SH3BGRL2: variants seen among roughly 807,000 people sequenced by gnomAD.
SH3BGRL2 encodes the protein SH3 domain binding glutamate rich protein like 2.
A neutral mutation model predicts 14.8 loss-of-function variants in SH3BGRL2; 21 were observed. The observed-to-expected ratio is 1.42, with a 90% CI of 1.01 to 2.05. The LOEUF is 2.05. SH3BGRL2 is among the 30% of genes most tolerant of loss of function. SH3BGRL2 has a pLI of 0.00. For missense variants in SH3BGRL2, 147 were observed against 130.8 expected (o/e 1.12, Z -0.61); for synonymous variants, 50 against 47.8 (o/e 1.05, Z -0.19).
At chr6:79,562,229 C>G in the SH3BGRL2 span, among the ~76,000 whole-genome samples, 1 of 152,170 alleles carries the variant, frequency 6.6e-6, no homozygotes, top group East Asian at 1.9e-4. Context: ...ACCACACATA[C>G]ACACATATGT....
intron 2 of SH3BGRL2, among the ~76,000 whole-genome samples, chr6:79,686,138 T>G (rs1313326868): frequency 6.6e-6 from 1 of 152,220 alleles, no homozygotes; most frequent in Non-Finnish European, 1.5e-5. Flanking sequence ...GATTAGATTC[T>G]TAAAGGTAGG....
the SH3BGRL2 span, among the ~76,000 whole-genome samples, chr6:79,608,953 G>A: frequency 6.6e-6 from 1 of 152,176 alleles, no homozygotes; most frequent in Non-Finnish European, 1.5e-5. Flanking sequence ...CTAACAATGT[G>A]GCAAAACTAA....
At chr6:79,589,553 A>G in the SH3BGRL2 span, among the ~76,000 whole-genome samples, 3 of 152,132 alleles carry the variant, frequency 2.0e-5, no homozygotes, top group African/African-American at 2.4e-5. Flanking sequence ...CTTGTTTATT[A>G]TGGTTTATGG....
Position 79,696,418 on chromosome 6 carries a change from A to G in SH3BGRL2, c.232-67A>G, listed in dbSNP as rs927489127. ...TTTTACTTCCATAAAGAATTTGTTC[A>G]AAGTACCAAATATAAAGATAATTGT... On this transcript the variant is annotated intron_variant, in intron 2 of 3. Transcript: ENST00000369838. The G allele has an allele frequency of 7.5e-6, 9 of 1,204,922 alleles. No homozygotes were observed. In the African/African-American group the frequency reaches 1.1e-4, roughly 15 times the overall value. The allele number at this position is 1,204,922 out of a possible 1,614,324, so 74.6% of individuals were successfully genotyped here.
intron 1 of SH3BGRL2, among the ~76,000 whole-genome samples, chr6:79,665,207 A>G (rs1333842546): frequency 6.6e-6 from 1 of 152,214 alleles, no homozygotes; most frequent in Non-Finnish European, 1.5e-5. Context: ...CTCTAAATAA[A>G]TAAAAAAATA....
the SH3BGRL2 span, among the ~76,000 whole-genome samples, chr6:79,588,876 A>G: frequency 1.3e-5 from 2 of 152,262 alleles, no homozygotes; most frequent in Admixed American, 6.5e-5. Flanking sequence ...TCATATAGCC[A>G]TTGTGCCCAG....
chr6:79,680,050 T>C (rs1266087832), intron 2 of SH3BGRL2, among the ~76,000 whole-genome samples: 1 of 152,202 alleles, frequency 6.6e-6, no homozygotes, highest in East Asian at 1.9e-4. Context: ...ACTCTGTTGA[T>C]TGTGTCCTTT....
chr6:79,665,823 T>A (rs1042502072), intron 1 of SH3BGRL2, among the ~76,000 whole-genome samples: 1 of 152,248 alleles, frequency 6.6e-6, no homozygotes, highest in African/African-American at 2.4e-5. Context: ...AATCTGTCTT[T>A]CTGACAGGGA....
At chr6:79,616,126 C>T in the SH3BGRL2 span, among the ~76,000 whole-genome samples, 3 of 152,052 alleles carry the variant, frequency 2.0e-5, no homozygotes, top group African/African-American at 7.2e-5. Context: ...TAAACCACTC[C>T]TGCTTTCTTA....
the SH3BGRL2 span, among the ~76,000 whole-genome samples, chr6:79,593,860 T>G: frequency 3.3e-5 from 5 of 152,122 alleles, no homozygotes; most frequent in Admixed American, 6.6e-5. Flanking sequence ...CAAATGAAAT[T>G]AAGACATGAC....
the SH3BGRL2 span, among the ~76,000 whole-genome samples, chr6:79,605,149 C>A: frequency 1.3e-5 from 2 of 152,190 alleles, no homozygotes; most frequent in African/African-American, 4.8e-5. Context: ...TCTTGAAATG[C>A]TCCCTCTAAG....
At chr6:79,654,116 T>A (rs1055296874) in intron 1 of SH3BGRL2, among the ~76,000 whole-genome samples, 2 of 152,134 alleles carry the variant, frequency 1.3e-5, no homozygotes, top group Non-Finnish European at 2.9e-5. Context: ...AAGAAATAAT[T>A]TTTTTCATTA....
the SH3BGRL2 span, among the ~76,000 whole-genome samples, chr6:79,622,759 A>G: frequency 6.6e-6 from 1 of 152,242 alleles, no homozygotes; most frequent in East Asian, 1.9e-4. Context: ...TTACCAGGAC[A>G]TATTAACATT....
the SH3BGRL2 span, among the ~76,000 whole-genome samples, chr6:79,559,623 C>A: frequency 1.2e-4 from 18 of 152,150 alleles, no homozygotes; most frequent in African/African-American, 4.1e-4. Flanking sequence ...AAATGCTATA[C>A]AGGACATGAT....
the SH3BGRL2 span, among the ~76,000 whole-genome samples, chr6:79,620,274 A>T: frequency 6.6e-6 from 1 of 152,096 alleles, no homozygotes; most frequent in African/African-American, 2.4e-5. Flanking sequence ...CTACTCTTTT[A>T]AAAAATGGTG....
At position 79,700,819 on chromosome 6, in the gene SH3BGRL2, A is replaced by T. The variant is rs1223398594; in HGVS notation, c.*1310A>T. The T allele has an allele frequency of 6.6e-6, 1 of 152,154 alleles. No homozygotes were observed. The highest frequency in any genetic ancestry group is 2.4e-5 in the African/African-American group (1 of 41,528). 9.4% of individuals were successfully genotyped at this position (152,154 alleles called of 1,614,324 possible). On this transcript the variant is annotated 3_prime_UTR_variant, in exon 4 of 4. Transcript: ENST00000369838. ...GGATGCTTAATTTTTTTTTTAACTTAGAGTTTTAAATTGCCAAACATGGGA... is the reference window on the plus strand; with the variant it reads ...GGATGCTTAATTTTTTTTTTAACTTTGAGTTTTAAATTGCCAAACATGGGA...
chr6:79,580,212 C>G, the SH3BGRL2 span, among the ~76,000 whole-genome samples: 1 of 152,092 alleles, frequency 6.6e-6, no homozygotes, highest in African/African-American at 2.4e-5. Flanking sequence ...GACTTTAACA[C>G]CCCACTGTCA....
the SH3BGRL2 span, among the ~76,000 whole-genome samples, chr6:79,582,817 G>A: frequency 6.6e-6 from 1 of 152,130 alleles, no homozygotes; most frequent in Admixed American, 6.5e-5. Context: ...CTTCTGCACG[G>A]CAAAAGAAAC....
intron 1 of SH3BGRL2, among the ~76,000 whole-genome samples, chr6:79,642,014 A>AT (rs2127724099): frequency 6.6e-6 from 1 of 152,302 alleles, no homozygotes; most frequent in South Asian, 2.1e-4. Context: ...CATGTTGTGC[A>AT]CGACCCATTC....
Sources: gnomAD v4.1 joint callset for allele counts (sites outside exome capture counted in the v4.1 genomes callset) on GRCh38, gnomAD v4.1.1 for gene constraint, MANE v1.5 for transcripts, NCBI Gene and HGNC (gene_info 2026-07-23, HGNC 2026-07-21) for gene names.